Variants in CFAP144 observed in about 807,000 individuals in gnomAD.
The protein encoded by CFAP144 is cilia- and flagella-associated protein 144.
chr1:43,146,431 A>G, the CFAP144 span, among the ~76,000 whole-genome samples: 11 of 152,204 alleles, frequency 7.2e-5, no homozygotes, highest in Non-Finnish European at 1.5e-4. Flanking sequence ...AAGTAACATA[A>G]AAGTAACCTC....
chr1:43,144,395 T>C, the CFAP144 span, among the ~76,000 whole-genome samples: 1 of 152,216 alleles, frequency 6.6e-6, no homozygotes, highest in Non-Finnish European at 1.5e-5. Context: ...GGAGTTGGTC[T>C]GGCCACATCC....
the CFAP144 span, chr1:43,145,194 C>T: frequency 7.1e-7 from 1 of 1,417,044 alleles, no homozygotes; most frequent in Non-Finnish European, 9.7e-7. Context: ...AGACTGGCTT[C>T]TCCACGGAAC....
the CFAP144 span, among the ~76,000 whole-genome samples, chr1:43,154,074 A>ATATG: frequency 8.2e-6 from 1 of 121,274 alleles, no homozygotes; most frequent in Non-Finnish European, 1.6e-5. Context: ...ATATATATAT[A>ATATG]TATATATATA....
chr1:43,150,424 C>G, the CFAP144 span, among the ~76,000 whole-genome samples: 1 of 152,308 alleles, frequency 6.6e-6, no homozygotes, highest in East Asian at 1.9e-4. Context: ...TGGCTGTAGT[C>G]AAAACTGTAG....
the CFAP144 span, among the ~76,000 whole-genome samples, chr1:43,155,370 G>A: frequency 1.3e-5 from 2 of 152,202 alleles, no homozygotes; most frequent in South Asian, 2.1e-4. Flanking sequence ...AGGACATCTC[G>A]TGCAGGCTTA....
At chr1:43,148,229 T>C in the CFAP144 span, 2 of 835,510 alleles carry the variant, frequency 2.4e-6, no homozygotes, top group Non-Finnish European at 3.7e-6. Flanking sequence ...TCAGGAACCA[T>C]GACTTTGGAG....
At chr1:43,148,387 TTTTG>T in the CFAP144 span, among the ~76,000 whole-genome samples, 1 of 152,206 alleles carries the variant, frequency 6.6e-6, no homozygotes, top group African/African-American at 2.4e-5. Context: ...TGTGTTTTGT[TTTTG>T]TTTGTATTTT....
chr1:43,150,029 C>G, the CFAP144 span, among the ~76,000 whole-genome samples: 47 of 152,268 alleles, frequency 3.1e-4, no homozygotes, highest in Middle Eastern at 3.4e-3. Context: ...CAGCACATTC[C>G]CTCACTTCAT....
the CFAP144 span, chr1:43,147,859 G>A: frequency 9.6e-6 from 15 of 1,559,402 alleles, no homozygotes; most frequent in Non-Finnish European, 1.3e-5. Flanking sequence ...GTTGCCTGGA[G>A]ACCACGGGAC....
chr1:43,145,160 C>A, the CFAP144 span: 1 of 1,010,128 alleles, frequency 9.9e-7, no homozygotes, highest in Non-Finnish European at 1.5e-6. Context: ...GGTCAGCCAG[C>A]CTGCATGAGG....
At chr1:43,143,132 G>A in the CFAP144 span, among the ~76,000 whole-genome samples, 3 of 152,188 alleles carry the variant, frequency 2.0e-5, no homozygotes, top group Middle Eastern at 3.4e-3. Flanking sequence ...ACACATGTAG[G>A]AGCAAGAGAT....
the CFAP144 span, among the ~76,000 whole-genome samples, chr1:43,153,470 C>T: frequency 6.6e-6 from 1 of 151,940 alleles, no homozygotes; most frequent in Non-Finnish European, 1.5e-5. Flanking sequence ...ATTAGCTGGG[C>T]ATGGTGTCGC....
At chr1:43,156,168 T>G in the CFAP144 span, 1 of 1,589,626 alleles carries the variant, frequency 6.3e-7, no homozygotes, top group East Asian at 2.2e-5. Flanking sequence ...TCCTGCATCC[T>G]CACAGGCTTC....
the CFAP144 span, among the ~76,000 whole-genome samples, chr1:43,153,695 A>G: frequency 5.9e-5 from 9 of 151,544 alleles, no homozygotes; most frequent in Non-Finnish European, 1.2e-4. Context: ...AAAACAAAAA[A>G]GCATAAAAAA....
chr1:43,152,086 GAGTAA>G, the CFAP144 span, among the ~76,000 whole-genome samples: 1 of 152,198 alleles, frequency 6.6e-6, no homozygotes, highest in South Asian at 2.1e-4. Flanking sequence ...TTTCACAGAT[GAGTAA>G]AGTGGCCCAG....
chr1:43,155,684 G>A, the CFAP144 span, among the ~76,000 whole-genome samples: 2 of 152,216 alleles, frequency 1.3e-5, no homozygotes, highest in Non-Finnish European at 2.9e-5. Flanking sequence ...GCAACTTGAA[G>A]CTCCCTGCCC....
At chr1:43,150,875 C>A in the CFAP144 span, 1 of 1,407,800 alleles carries the variant, frequency 7.1e-7, no homozygotes, top group Non-Finnish European at 9.9e-7. Flanking sequence ...GGCAGGCTGG[C>A]TGGAGAGACC....
the CFAP144 span, chr1:43,150,633 G>A: frequency 1.3e-6 from 1 of 773,154 alleles, no homozygotes; most frequent in South Asian, 1.6e-5. Flanking sequence ...TAGCACCCAG[G>A]ATAATACCTG....
At chr1:43,147,321 CT>C in the CFAP144 span, among the ~76,000 whole-genome samples, 1 of 152,166 alleles carries the variant, frequency 6.6e-6, no homozygotes, top group Non-Finnish European at 1.5e-5. Flanking sequence ...TACTACTGTA[CT>C]GTAATACTTA....
Sources: allele counts gnomAD v4.1 joint callset (sites outside exome capture counted in the v4.1 genomes callset), GRCh38; gene constraint gnomAD v4.1.1; transcripts MANE v1.5; gene names NCBI Gene and HGNC (gene_info 2026-07-23, HGNC 2026-07-21).